SLK: variants seen among roughly 807,000 people sequenced by gnomAD.
The protein encoded by SLK is STE20 like kinase, also known as STE20-like serine/threonine-protein kinase.
A neutral mutation model predicts 147.7 loss-of-function variants in SLK; 67 were observed. The observed-to-expected ratio is 0.45, with a 90% CI of 0.37 to 0.56. SLK has a LOEUF of 0.56. SLK is among the 20% of genes least tolerant of loss of function. The pLI is 0.00. For missense variants in SLK, 1,136 were observed against 1,438.8 expected (o/e 0.79, Z 3.41); for synonymous variants, 441 against 475.0 (o/e 0.93, Z 0.93).
chr10:104,005,341 A>G (rs1265415082), intron 9 of SLK, among the ~76,000 whole-genome samples: 1 of 152,208 alleles, frequency 6.6e-6, no homozygotes, highest in Non-Finnish European at 1.5e-5. Context: ...AAAAAATTTG[A>G]TTTCATCTGT....
chr10:103,999,434 A>G (rs1844216888), intron 6 of SLK, 121 bp downstream of exon 6: 1 of 718,120 alleles, frequency 1.4e-6, no homozygotes. Context: ...CGAAGACTAT[A>G]TGAATTAGAA....
At position 104,003,451 on chromosome 10, in the gene SLK, C is replaced by T. The variant is rs923597790; in HGVS notation, c.2273C>T (p.Thr758Ile). 1 of 1,606,920 alleles carries T rather than the reference C, an allele frequency of 6.2e-7. No homozygotes were observed. The highest frequency in any genetic ancestry group is 1.7e-5 in the Admixed American group (1 of 59,690). Residue 758 changes from threonine to isoleucine, a missense_variant, in exon 9 of 19, where the codon ACT (threonine) becomes ATT (isoleucine). Around this residue, in one of 6 missense-constraint regions of SLK, gnomAD observed 516 missense variants for 531.3 expected, o/e 0.97. Coordinates refer to ENST00000369755, the MANE Select transcript of SLK (RefSeq NM_014720.4). ...TCAGGCACTGGTTCCACTGCTGATACTAGCAGTATTGACTTGAATTTATCC... is the reference window on the plus strand; with the variant it reads ...TCAGGCACTGGTTCCACTGCTGATATTAGCAGTATTGACTTGAATTTATCC... The part of the protein sequence containing the change: ...NDSGTGSTAD[T>I]SSIDLNLSIS...
chr10:104,019,185 G>T (rs1844502491), intron 15 of SLK: 2 of 273,256 alleles, frequency 7.3e-6, no homozygotes, highest in Admixed American at 5.0e-5. Flanking sequence ...AGCTATTTTG[G>T]CTCTATTTGT....
chr10:103,993,852 T>G (rs1466741947), intron 4 of SLK, among the ~76,000 whole-genome samples: 1 of 152,240 alleles, frequency 6.6e-6, no homozygotes, highest in Non-Finnish European at 1.5e-5. Context: ...GTCATTTCAC[T>G]TTACTTTGTC....
rs568987303 is a variant in SLK at position 104,027,425 on chromosome 10, G to A, written c.*1705G>A. 33 of 152,560 alleles carry A rather than the reference G, an allele frequency of 2.2e-4. No individual in the cohort carries two copies. The highest frequency in any genetic ancestry group is 7.9e-4 in the African/African-American group (33 of 41,520). 9.5% of individuals were successfully genotyped at this position (152,560 alleles called of 1,614,324 possible). On this transcript the variant is annotated 3_prime_UTR_variant, in exon 19 of 19. Coordinates refer to ENST00000369755, the MANE Select transcript of SLK (RefSeq NM_014720.4). ...TTGTAAATTCATACACTTATCACAT[G>A]AATGTGTTACTGTATACAAAACTCT... is the stretch of plus-strand genomic sequence containing the variant.
At chr10:103,979,411 C>T (rs948626368) in intron 1 of SLK, among the ~76,000 whole-genome samples, 5 of 152,184 alleles carry the variant, frequency 3.3e-5, no homozygotes, top group African/African-American at 1.2e-4. Flanking sequence ...TTTTAAAGAT[C>T]TGTGATATGG....
At chr10:103,982,410 G>A (rs1366899108) in intron 1 of SLK, among the ~76,000 whole-genome samples, 5 of 152,110 alleles carry the variant, frequency 3.3e-5, no homozygotes, top group Non-Finnish European at 7.4e-5. Flanking sequence ...ACACCATTTT[G>A]TTGCTATATT....
chr10:104,018,172 G>T lies in SLK; in HGVS notation c.2890G>T (p.Val964Phe), dbSNP rs558796468. The T allele has an allele frequency of 1.2e-6, 2 of 1,604,244 alleles. No individual in the cohort carries two copies. Among genetic ancestry groups the T allele is most frequent in the South Asian group, 2.3e-5 (2 of 88,840 alleles). The change falls in exon 14 of 19, where the codon GTT (valine) becomes TTT (phenylalanine). Residue 964 changes from valine to phenylalanine, a missense_variant. Around this residue, in one of 6 missense-constraint regions of SLK, gnomAD observed 327 missense variants for 457.5 expected, o/e 0.71. Coordinates refer to ENST00000369755, the MANE Select transcript of SLK (RefSeq NM_014720.4). Reference protein sequence around the residue: ...QSQHAQEQEFVQKQQQELDGS... With the variant: ...QSQHAQEQEFFQKQQQELDGS... ...CTGTTTTTAATAGGAACAAGAGTTTGTTCAGAAACAACAGCAAGAATTAGA... is the reference window on the plus strand; with the variant it reads ...CTGTTTTTAATAGGAACAAGAGTTTTTTCAGAAACAACAGCAAGAATTAGA...
rs1844353674 is a variant in SLK at position 104,008,215 on chromosome 10, A to G, written c.2643A>G (p.Leu881=). 6.2e-7 allele frequency: 1 copy of G among 1,613,596 alleles called. No homozygotes were observed. The change falls in exon 12 of 19, where the codon CTA becomes CTG. Residue 881 remains leucine, a synonymous_variant. Coordinates refer to ENST00000369755, the MANE Select transcript of SLK (RefSeq NM_014720.4). ...KRQYDQEIEN[L]EKQQKQTIER... is the part of the protein sequence containing the mutation. ...AATATGACCAGGAAATTGAGAATCT[A>G]GAAAAACAGCAGAAACAGACTATCG...
At chr10:104,007,435 G>A (rs905701761) in intron 11 of SLK, among the ~76,000 whole-genome samples, 19 of 151,930 alleles carry the variant, frequency 1.3e-4, no homozygotes, top group African/African-American at 3.4e-4. Context: ...GTAAAACCCC[G>A]TCTCTACTAA....
In SLK at chr10:104,005,995, A is replaced by G. The variant is rs1291953296; in HGVS notation, c.2564A>G (p.Gln855Arg). The G allele has an allele frequency of 6.2e-7, 1 of 1,612,938 alleles. No individual in the cohort carries two copies. Among genetic ancestry groups the G allele is most frequent in the East Asian group, 2.2e-5 (1 of 44,850 alleles). The change falls in exon 11 of 19, where the codon CAA (glutamine) becomes CGA (arginine). Residue 855 changes from glutamine to arginine, a missense_variant. By Grantham distance (43) the Gln-to-Arg change is conservative. Around this residue, in one of 6 missense-constraint regions of SLK, gnomAD observed 327 missense variants for 457.5 expected, o/e 0.71. Coordinates refer to ENST00000369755, the MANE Select transcript of SLK (RefSeq NM_014720.4). ...QQQLNSKLQQ[Q>R]REQIFRRFEQ... Reference sequence around the variant, plus strand: ...CAGCTCAATAGCAAACTACAGCAACAACGAGAACAAATTTTCCGGCGCTTT... The same window carrying G: ...CAGCTCAATAGCAAACTACAGCAACGACGAGAACAAATTTTCCGGCGCTTT...
At chr10:104,013,298 C>G (rs867638015) in intron 13 of SLK, among the ~76,000 whole-genome samples, 1 of 152,204 alleles carries the variant, frequency 6.6e-6, no homozygotes, top group African/African-American at 2.4e-5. Context: ...CTATGGGAGT[C>G]CCTAAGACGG....
At chr10:104,006,420 C>A (rs1327587967) in intron 11 of SLK, among the ~76,000 whole-genome samples, 1 of 152,118 alleles carries the variant, frequency 6.6e-6, no homozygotes. Context: ...AGAGCAATTG[C>A]CTTCAAACCT....
intron 15 of SLK, 48 bp from the exon 16 acceptor site, chr10:104,019,686 A>G (rs1844509986): frequency 7.3e-7 from 1 of 1,366,426 alleles, no homozygotes; most frequent in African/African-American, 1.4e-5. Flanking sequence ...GCATGTGGGT[A>G]CTGACTATTG....
chr10:104,007,299 C>T (rs565122491), intron 11 of SLK, among the ~76,000 whole-genome samples: 49 of 152,060 alleles, frequency 3.2e-4, no homozygotes, highest in Non-Finnish European at 6.2e-4. Flanking sequence ...GAACATTCTA[C>T]TAGTATAATA....
rs1438192526 is a variant in SLK at position 103,967,562 on chromosome 10, C to A, written c.-184C>A. 2 of 168,208 alleles carry A rather than the reference C, an allele frequency of 1.2e-5. No individual in the cohort carries two copies. Among genetic ancestry groups the A allele is most frequent in the African/African-American group, 4.8e-5 (2 of 41,472 alleles). The allele number at this position is 168,208 out of a possible 1,614,324, so 10.4% of individuals were successfully genotyped here. On this transcript the variant is annotated 5_prime_UTR_variant, in exon 1 of 19. Coordinates refer to ENST00000369755, the MANE Select transcript of SLK (RefSeq NM_014720.4). ...GGGGCCGCTCGCGCAGCACCCCCAC[C>A]GCGGGCCGGAGCCCGGGTCGCCGCC... is the stretch of plus-strand genomic sequence containing the variant.
In SLK at chr10:103,984,087, A is replaced by T. The variant is rs368493291; in HGVS notation, c.151-6588A>T. On this transcript the variant is annotated intron_variant, in intron 1 of 18. Coordinates refer to ENST00000369755, the MANE Select transcript of SLK (RefSeq NM_014720.4). ...TTTATTAAATTTCTCTATTAAAATAATCAATGTGATTTTCCTCCTGTCTGG... is the reference window on the plus strand; with the variant it reads ...TTTATTAAATTTCTCTATTAAAATATTCAATGTGATTTTCCTCCTGTCTGG... Among the ~76,000 whole-genome samples the T allele has an allele frequency of 2.5e-4, 38 of 152,312 alleles. No homozygotes were observed. The South Asian group carries it at 5.0e-3, about 20-fold the overall frequency.
Position 104,002,965 on chromosome 10 carries a change from G to C in SLK, c.1787G>C (p.Gly596Ala). 6.2e-7 allele frequency: 1 copy of C among 1,613,640 alleles called. No homozygotes were observed. ...CCCATGGTGGGTCCTGAGGCTGGTG[G>C]TACTAAGGAAGTTCCTATTAAAGAA... ...NKPMVGPEAG[G>A]TKEVPIKEIV... The change falls in exon 9 of 19, where the codon GGT (glycine) becomes GCT (alanine). Residue 596 changes from glycine (G) to alanine (A), a missense_variant. Transcript: ENST00000369755.
chr10:104,012,536 T>C (rs753543202), intron 13 of SLK, among the ~76,000 whole-genome samples: 1 of 152,204 alleles, frequency 6.6e-6, no homozygotes, highest in Non-Finnish European at 1.5e-5. Flanking sequence ...TTAATTATCC[T>C]TGAGGTAGTC....
Sources: gnomAD v4.1 joint callset for allele counts (sites outside exome capture counted in the v4.1 genomes callset) on GRCh38, gnomAD v4.1.1 for gene constraint, gnomAD v4.1.1 regional missense constraint, MANE v1.5 for transcripts, NCBI Gene and HGNC (gene_info 2026-07-23, HGNC 2026-07-21) for gene names.